ALK: variants seen among roughly 807,000 people sequenced by gnomAD.
ALK encodes the protein ALK receptor tyrosine kinase, also known as ALK tyrosine kinase receptor.
In ALK, 74 loss-of-function variants were observed where a neutral mutation model predicts 163.1. The observed-to-expected ratio is 0.45, with a 90% confidence interval of 0.38 to 0.55. ALK has a LOEUF of 0.55. Ranked by LOEUF, ALK falls within the 20% of genes least tolerant of loss-of-function variation. The probability of loss-of-function intolerance (pLI) is 0.00; values close to 1 mark genes in which losing one functional copy is unlikely to be tolerated. For missense variants in ALK, 2,063 were observed against 2,105.3 expected (o/e 0.98, Z 0.39); for synonymous variants, 960 against 843.2 (o/e 1.14, Z -2.40).
chr2:29,864,818 C>T (rs1235949884), intron 1 of ALK, among the ~76,000 whole-genome samples: 17 of 152,306 alleles, frequency 1.1e-4, no homozygotes, highest in Non-Finnish European at 1.5e-5. Flanking sequence ...TCTGCAAAGA[C>T]ACATCCCATG....
In ALK at chr2:29,193,395, G is replaced by A. The variant is rs751632696; in HGVS notation, c.4692C>T (p.Ala1564=). ...TGAACAGAGGTACCTCCTTCATATT[G>A]GCAGTCAGCGAAGAGGGCTCTAGGA... ...SLLLEPSSLT[A]NMKEVPLFRL... The change falls in exon 29 of 29, where the codon GCC becomes GCT. Residue 1564 remains alanine, a synonymous_variant. Transcript: ENST00000389048. 50 of 1,614,076 alleles carry A rather than the reference G, an allele frequency of 3.1e-5. 1 individual carries two copies. The South Asian group carries it at 5.0e-4, about 16-fold the overall frequency.
chr2:29,206,779 G>GTT (rs999573451), intron 26 of ALK, among the ~76,000 whole-genome samples: 3 of 58,314 alleles, frequency 5.1e-5, no homozygotes, highest in Non-Finnish European at 7.8e-5. Flanking sequence ...CTTTATTGGT[G>GTT]TGTGTGTGTG....
intron 1 of ALK, among the ~76,000 whole-genome samples, chr2:29,767,711 T>C (rs1426016213): frequency 2.0e-5 from 3 of 152,198 alleles, no homozygotes; most frequent in Non-Finnish European, 4.4e-5. Context: ...GGACATGTTC[T>C]TTATAGTACA....
intron 3 of ALK, among the ~76,000 whole-genome samples, chr2:29,628,162 T>A (rs943981749): frequency 2.6e-5 from 4 of 152,224 alleles, no homozygotes; most frequent in Non-Finnish European, 5.9e-5. Context: ...ACTTTCATTA[T>A]GATTTCAGAT....
intron 9 of ALK, among the ~76,000 whole-genome samples, chr2:29,295,484 TC>T (rs1483531565): frequency 6.6e-6 from 1 of 152,156 alleles, no homozygotes; most frequent in Non-Finnish European, 1.5e-5. Flanking sequence ...TCACACTTCC[TC>T]CTTTCTCCAC....
At chr2:29,868,143 A>C (rs1666487878) in intron 1 of ALK, among the ~76,000 whole-genome samples, 2 of 152,218 alleles carry the variant, frequency 1.3e-5, no homozygotes, top group South Asian at 2.1e-4. Context: ...GCTGGAAGGC[A>C]AGGAGGTAGG....
chr2:29,833,610 G>A (rs1052504214), intron 1 of ALK, among the ~76,000 whole-genome samples: 3 of 152,236 alleles, frequency 2.0e-5, no homozygotes, highest in African/African-American at 7.2e-5. Flanking sequence ...CTGGGCACAT[G>A]CTTCACAGGC....
chr2:29,847,158 C>T (rs962915002), intron 1 of ALK, among the ~76,000 whole-genome samples: 1 of 152,166 alleles, frequency 6.6e-6, no homozygotes, highest in African/African-American at 2.4e-5. Flanking sequence ...GGGGCTCCTC[C>T]CTTCCCTCCA....
At position 29,830,997 on chromosome 2, in the gene ALK, GAA is replaced by G. The variant is rs1558508397; in HGVS notation, c.667+88994_667+88995del. Reference sequence around the variant, plus strand: ...AGAAGAAGAAGAAGAAGAAGAAGAAGAAGAAGAAGAAGAAGGGGAAGAGGAAG... The same window carrying G: ...AGAAGAAGAAGAAGAAGAAGAAGAAGGAAGAAGAAGAAGGGGAAGAGGAAG... On this transcript the variant is annotated intron_variant, in intron 1 of 28. Coordinates refer to ENST00000389048, the MANE Select transcript of ALK (RefSeq NM_004304.5). Among the ~76,000 whole-genome samples, 151 of 54,956 alleles carry G rather than the reference GAA, an allele frequency of 2.7e-3. 4 individuals carry two copies. Among genetic ancestry groups the G allele is most frequent in the Non-Finnish European group, 3.5e-3 (94 of 26,704 alleles). 36.1% of individuals were successfully genotyped at this position (54,956 alleles called of 152,430 possible).
intron 11 of ALK, among the ~76,000 whole-genome samples, chr2:29,252,495 G>C (rs553859003): frequency 6.6e-6 from 1 of 152,276 alleles, no homozygotes; most frequent in African/African-American, 2.4e-5. Context: ...AAATGTGAAA[G>C]GTTAACTTGG....
At chr2:29,346,957 G>A (rs571503241) in intron 5 of ALK, among the ~76,000 whole-genome samples, 6 of 152,328 alleles carry the variant, frequency 3.9e-5, no homozygotes, top group Admixed American at 2.0e-4. Flanking sequence ...ATCCTTACCC[G>A]ATGGTCAGAT....
chr2:29,194,327 A>G (rs2148139561), intron 28 of ALK, among the ~76,000 whole-genome samples: 1 of 152,142 alleles, frequency 6.6e-6, no homozygotes, highest in African/African-American at 2.4e-5. Context: ...TTTGACTTCA[A>G]GAGTGATGGT....
chr2:29,847,065 G>T (rs1326828655), intron 1 of ALK, among the ~76,000 whole-genome samples: 1 of 152,192 alleles, frequency 6.6e-6, no homozygotes, highest in East Asian at 1.9e-4. Flanking sequence ...GGTCCAGGTG[G>T]CCTCCACCAG....
At chr2:29,769,653 C>A (rs947359806) in intron 1 of ALK, among the ~76,000 whole-genome samples, 2 of 152,188 alleles carry the variant, frequency 1.3e-5, no homozygotes, top group Non-Finnish European at 2.9e-5. Flanking sequence ...TGCATCGCTT[C>A]CTTCAGAGGT....
chr2:29,301,809 G>A (rs145753174), intron 8 of ALK, among the ~76,000 whole-genome samples: 151 of 152,284 alleles, frequency 9.9e-4, no homozygotes, highest in Middle Eastern at 6.8e-3. Flanking sequence ...CAATCAGGCC[G>A]GGCAAAAGAG....
chr2:29,206,212 T>C (rs915347228), intron 26 of ALK, among the ~76,000 whole-genome samples: 13 of 150,578 alleles, frequency 8.6e-5, no homozygotes, highest in Non-Finnish European at 1.6e-4. Flanking sequence ...TTCTTCTCTC[T>C]CCTCTCTTCT....
chr2:29,245,629 G>A (rs1664648479), intron 12 of ALK, among the ~76,000 whole-genome samples: 3 of 138,992 alleles, frequency 2.2e-5, no homozygotes, highest in Non-Finnish European at 3.1e-5. Context: ...GGGCTTTATG[G>A]CTCAGTGCCC....
At chr2:29,501,577 G>A (rs996717099) in intron 4 of ALK, among the ~76,000 whole-genome samples, 1 of 152,136 alleles carries the variant, frequency 6.6e-6, no homozygotes, top group Non-Finnish European at 1.5e-5. Context: ...GGAAAGTACA[G>A]GTTCCCCTCA....
intron 3 of ALK, among the ~76,000 whole-genome samples, chr2:29,640,615 T>C (rs548475499): frequency 3.9e-5 from 6 of 152,292 alleles, no homozygotes; most frequent in Admixed American, 3.9e-4. Context: ...AAACCTCTTT[T>C]CTTATAAATT....
Sources: gnomAD v4.1 joint callset for allele counts (sites outside exome capture counted in the v4.1 genomes callset) on GRCh38, gnomAD v4.1.1 for gene constraint, MANE v1.5 for transcripts, NCBI Gene and HGNC (gene_info 2026-07-23, HGNC 2026-07-21) for gene names.